Variants in DPP10 observed in about 807,000 individuals in gnomAD.
DPP10 encodes the protein inactive dipeptidyl peptidase 10.
Under a neutral mutation model 120.9 loss-of-function variants are expected in DPP10, and 33 were observed. The observed-to-expected ratio is 0.27, with a 90% CI of 0.21 to 0.37. The LOEUF (loss-of-function observed/expected upper bound fraction) is 0.37, where lower values mean the gene tolerates loss of function less well. Among genes scored for constraint, DPP10 ranks in the 10% least tolerant of loss-of-function variants. The pLI is 1.00. For missense variants in DPP10, 816 were observed against 942.8 expected (o/e 0.87, Z 1.76); for synonymous variants, 337 against 326.1 (o/e 1.03, Z -0.36).
chr2:115,671,570 ATATAT>A (rs2089870886), intron 5 of DPP10, among the ~76,000 whole-genome samples: 2 of 152,020 alleles, frequency 1.3e-5, no homozygotes. Context: ...ATTAAATAAA[ATATAT>A]TATTAAAATA....
chr2:114,463,910 G>A (rs1476240712), intron 1 of DPP10, among the ~76,000 whole-genome samples: 2 of 152,122 alleles, frequency 1.3e-5, no homozygotes, highest in Non-Finnish European at 2.9e-5. Flanking sequence ...TGCCTTTTCA[G>A]ATAGGCTTTT....
At chr2:114,915,361 A>G (rs1227521793) in intron 1 of DPP10, among the ~76,000 whole-genome samples, 1 of 152,198 alleles carries the variant, frequency 6.6e-6, no homozygotes, top group East Asian at 1.9e-4. Context: ...GATTTATAAA[A>G]CAAGTTCTTG....
chr2:115,311,840 A>G (rs1186762490), intron 2 of DPP10, among the ~76,000 whole-genome samples: 1 of 152,080 alleles, frequency 6.6e-6, no homozygotes, highest in Non-Finnish European at 1.5e-5. Flanking sequence ...ATCATGGCTC[A>G]CTGCAGTCTT....
intron 1 of DPP10, among the ~76,000 whole-genome samples, chr2:114,967,051 AAAAC>A (rs919958461): frequency 2.6e-5 from 4 of 152,164 alleles, no homozygotes; most frequent in Admixed American, 1.3e-4. Context: ...CCAAAAAAAC[AAAAC>A]AAACAAACAA....
intron 1 of DPP10, among the ~76,000 whole-genome samples, chr2:114,842,858 A>AAG (rs941024252): frequency 7.3e-6 from 1 of 136,804 alleles, no homozygotes; most frequent in Admixed American, 6.9e-5. Context: ...GGAGACAAAA[A>AAG]AGAGAGAGAG....
chr2:114,944,200 T>C (rs1697184649), intron 1 of DPP10, among the ~76,000 whole-genome samples: 2 of 152,258 alleles, frequency 1.3e-5, no homozygotes, highest in South Asian at 4.1e-4. Flanking sequence ...AAGTAGATAT[T>C]TCCTTGATGT....
intron 3 of DPP10, among the ~76,000 whole-genome samples, chr2:115,492,998 A>C (rs2076205410): frequency 6.6e-6 from 1 of 152,108 alleles, no homozygotes; most frequent in African/African-American, 2.4e-5. Context: ...TCTGAGTGGG[A>C]GTGAAGTTTT....
intron 1 of DPP10, among the ~76,000 whole-genome samples, chr2:114,969,888 C>T (rs948008942): frequency 1.3e-5 from 2 of 152,134 alleles, no homozygotes; most frequent in Admixed American, 6.6e-5. Flanking sequence ...CATTAAATTA[C>T]GATCTAATCA....
chr2:115,313,213 C>G (rs1379596120), intron 2 of DPP10, among the ~76,000 whole-genome samples: 1 of 151,946 alleles, frequency 6.6e-6, no homozygotes, highest in African/African-American at 2.4e-5. Flanking sequence ...CAGAACGAGA[C>G]TCTGTCTCAA....
chr2:114,749,548 CTTTTATTTTATTTTATTTTATTTTA>C (rs374862583), intron 1 of DPP10, among the ~76,000 whole-genome samples: 3 of 125,580 alleles, frequency 2.4e-5, no homozygotes, highest in African/African-American at 6.1e-5. Context: ...TCTAGCACTG[CTTTTATTTTATTTTATTTTATTTTA>C]TTTTATTTTA....
intron 5 of DPP10, among the ~76,000 whole-genome samples, chr2:115,591,996 G>T (rs1316370404): frequency 1.3e-5 from 2 of 151,954 alleles, no homozygotes; most frequent in African/African-American, 4.8e-5. Context: ...TTCCTGACAG[G>T]CAAGGTGAGC....
chr2:115,545,216 C>CAT (rs2079424327), intron 5 of DPP10, among the ~76,000 whole-genome samples: 1 of 152,072 alleles, frequency 6.6e-6, no homozygotes, highest in Non-Finnish European at 1.5e-5. Flanking sequence ...AAAAGACAGA[C>CAT]ATATATCTTG....
intron 3 of DPP10, among the ~76,000 whole-genome samples, chr2:115,496,014 A>G (rs1179825404): frequency 6.6e-6 from 1 of 152,184 alleles, no homozygotes; most frequent in African/African-American, 2.4e-5. Context: ...TAAACAAAAT[A>G]TATCATACAA....
intron 1 of DPP10, among the ~76,000 whole-genome samples, chr2:114,676,605 G>C (rs1386681227): frequency 2.6e-5 from 4 of 151,974 alleles, no homozygotes; most frequent in African/African-American, 9.7e-5. Context: ...ATATTATCTG[G>C]GGAGATCGCT....
intron 1 of DPP10, among the ~76,000 whole-genome samples, chr2:114,525,023 A>G (rs1300867970): frequency 1.3e-5 from 2 of 152,182 alleles, no homozygotes; most frequent in Non-Finnish European, 2.9e-5. Flanking sequence ...GGAAGTGGCA[A>G]TGTACCCAAA....
chr2:114,655,735 C>T (rs1193842973), intron 1 of DPP10, among the ~76,000 whole-genome samples: 1 of 151,854 alleles, frequency 6.6e-6, no homozygotes, highest in African/African-American at 2.4e-5. Context: ...GTGTGGTTAC[C>T]TTTTATATCC....
At chr2:115,130,657 C>T (rs1472819458) in intron 1 of DPP10, among the ~76,000 whole-genome samples, 1 of 152,110 alleles carries the variant, frequency 6.6e-6, no homozygotes, top group African/African-American at 2.4e-5. Flanking sequence ...CATCAGTGAC[C>T]ATGCCTTTTC....
intron 3 of DPP10, among the ~76,000 whole-genome samples, chr2:115,412,364 C>T (rs1453195390): frequency 6.6e-6 from 1 of 152,010 alleles, no homozygotes; most frequent in Non-Finnish European, 1.5e-5. Context: ...TTTTTACCAC[C>T]CATGTTTTAA....
chr2:114,735,349 A>G (rs1452575402), intron 1 of DPP10, among the ~76,000 whole-genome samples: 8 of 152,178 alleles, frequency 5.3e-5, no homozygotes, highest in Non-Finnish European at 1.2e-4. Context: ...TACTGCTTGC[A>G]AAAAGGCAGG....
Sources: allele counts gnomAD v4.1 joint callset (sites outside exome capture counted in the v4.1 genomes callset), GRCh38; gene constraint gnomAD v4.1.1; transcripts MANE v1.5; gene names NCBI Gene and HGNC (gene_info 2026-07-23, HGNC 2026-07-21).